TERF1: variants seen among roughly 807,000 people sequenced by gnomAD.
TERF1 encodes the protein telomeric repeat binding factor 1.
A neutral mutation model predicts 55.1 loss-of-function variants in TERF1; 20 were observed. The ratio of observed to expected loss-of-function variants is 0.36; its 90% CI spans 0.26 to 0.53. The LOEUF (loss-of-function observed/expected upper bound fraction) is 0.53, where lower values mean the gene tolerates loss of function less well. Ranked by LOEUF, TERF1 falls within the 20% of genes least tolerant of loss-of-function variation. TERF1 has a pLI of 0.91. For missense variants in TERF1, 439 were observed against 535.7 expected (o/e 0.82, Z 1.78); for synonymous variants, 168 against 181.2 (o/e 0.93, Z 0.59).
chr8:73,025,342 C>T (rs1808934374), intron 5 of TERF1, among the ~76,000 whole-genome samples: 1 of 152,154 alleles, frequency 6.6e-6, no homozygotes, highest in African/African-American at 2.4e-5. Context: ...TAAAATTTTT[C>T]TAGGCCAGGC....
At chr8:73,014,373 A>G (rs1011481644) in intron 2 of TERF1, among the ~76,000 whole-genome samples, 1 of 152,152 alleles carries the variant, frequency 6.6e-6, no homozygotes, top group African/African-American at 2.4e-5. Flanking sequence ...CTCTTGGGGA[A>G]GTGTGTTTCA....
At chr8:73,031,224 A>C (rs927150715) in intron 7 of TERF1, 6 of 152,214 alleles carry the variant, frequency 3.9e-5, no homozygotes, top group African/African-American at 7.2e-5. Flanking sequence ...GCCAATCTCT[A>C]CTTGAGAAGG....
At chr8:73,037,656 T>TA (rs11406458) in intron 8 of TERF1, among the ~76,000 whole-genome samples, 51,974 of 86,804 alleles carry the variant, frequency 0.6, 16,999 homozygotes, top group Middle Eastern at 0.74. Context: ...ATATATTATA[T>TA]GTATAATAAT....
chr8:73,033,742 C>G (rs950933752), intron 8 of TERF1, among the ~76,000 whole-genome samples: 17 of 152,084 alleles, frequency 1.1e-4, no homozygotes, highest in Admixed American at 1.0e-3. Flanking sequence ...TCAGCAAACT[C>G]GAAGACTATA....
In TERF1 at chr8:73,013,984, A is replaced by G. The variant is rs755536594; in HGVS notation, c.409A>G (p.Thr137Ala). Residue 137 changes from threonine to alanine, a missense_variant, in exon 2 of 10, where the codon ACC becomes GCC. Transcript: ENST00000276603. Reference sequence around the variant, plus strand: ...TTTGACAAGAATTGCAGCAGGAAAAACCCTTGGTAAATATGTTTTTTTATT... The same window carrying G: ...TTTGACAAGAATTGCAGCAGGAAAAGCCCTTGGTAAATATGTTTTTTTATT... ...QFLTRIAAGK[T>A]LDAQFENDER... 1 of 1,600,630 alleles carries G rather than the reference A, an allele frequency of 6.2e-7. No homozygotes were observed. Among genetic ancestry groups the G allele is most frequent in the Non-Finnish European group, 8.5e-7 (1 of 1,171,092 alleles).
At chr8:73,037,643 A>T (rs1586062817) in intron 8 of TERF1, among the ~76,000 whole-genome samples, 1 of 82,736 alleles carries the variant, frequency 1.2e-5, no homozygotes, top group Admixed American at 1.9e-4. Context: ...TAACATATAT[A>T]ATATATATTA....
chr8:73,034,314 TAG>T (rs1809419256), intron 8 of TERF1, among the ~76,000 whole-genome samples: 1 of 152,012 alleles, frequency 6.6e-6, no homozygotes, highest in Admixed American at 6.6e-5. Context: ...GTATTTTTAG[TAG>T]AGACGGGGTT....
chr8:73,045,546 T>C (rs1326048534), intron 9 of TERF1, among the ~76,000 whole-genome samples: 2 of 152,228 alleles, frequency 1.3e-5, no homozygotes, highest in Non-Finnish European at 2.9e-5. Context: ...ATACTTCCCC[T>C]ACCATAGGCA....
At chr8:73,042,879 TAAAAGAC>T (rs1345739251) in intron 9 of TERF1, 1 of 152,110 alleles carries the variant, frequency 6.6e-6, no homozygotes, top group Non-Finnish European at 1.5e-5. Flanking sequence ...TTTGAGAAAA[TAAAAGAC>T]AAATGACAAT....
intron 1 of TERF1, chr8:73,009,453 G>T (rs1035456603): frequency 5.6e-6 from 3 of 535,604 alleles, no homozygotes; most frequent in South Asian, 2.4e-5. Flanking sequence ...TTTGATGCAA[G>T]CATTAAATGA....
At chr8:73,036,311 GATGA>G (rs1457665784) in intron 8 of TERF1, among the ~76,000 whole-genome samples, 1 of 152,206 alleles carries the variant, frequency 6.6e-6, no homozygotes, top group East Asian at 1.9e-4. Context: ...TATTTCAGGA[GATGA>G]ATAAGGCTTT....
chr8:73,012,876 A>C, intron 1 of TERF1: 2 of 455,526 alleles, frequency 4.4e-6, no homozygotes, highest in Middle Eastern at 3.3e-4. Context: ...TCATGGGGGC[A>C]GAGACTGGCT....
chr8:73,038,902 TA>T, intron 8 of TERF1: 1 of 535,236 alleles, frequency 1.9e-6, no homozygotes, highest in Non-Finnish European at 2.8e-6. Flanking sequence ...TAAAGACATA[TA>T]AAAGAATCAA....
At chr8:73,039,012 T>G in intron 8 of TERF1, 104 bp from the exon 9 acceptor site, 2 of 892,408 alleles carry the variant, frequency 2.2e-6, no homozygotes, top group Non-Finnish European at 3.3e-6. Context: ...TACTTTTTCT[T>G]AGAATAGCTT....
intron 6 of TERF1, 92 bp from the exon 7 acceptor site, chr8:73,030,244 A>G: frequency 1.3e-6 from 1 of 788,554 alleles, no homozygotes; most frequent in Non-Finnish European, 2.0e-6. Flanking sequence ...ATTTTTTTAT[A>G]AATTGAAATA....
Position 73,038,060 on chromosome 8 carries a change from A to T in TERF1, c.1040-1056A>T, listed in dbSNP as rs568837301. ...AGTAGGTAGGTAGGTAGGTAAGTAG[A>T]TAGGTAGATAGATAGATAAAGCTTC... is the stretch of plus-strand genomic sequence containing the variant. On this transcript the variant is annotated intron_variant, in intron 8 of 9. Transcript: ENST00000276603. 1.5e-4 allele frequency among the ~76,000 whole-genome samples: 22 copies of T among 149,044 alleles called. No individual in the cohort carries two copies. The East Asian group carries it at 4.1e-3, about 28-fold the overall frequency.
chr8:73,009,316 C>G (rs990444165), intron 1 of TERF1, 111 bp downstream of exon 1: 1 of 216,090 alleles, frequency 4.6e-6, no homozygotes. Flanking sequence ...CTGCTGCGGC[C>G]GATTAGCTGG....
intron 8 of TERF1, among the ~76,000 whole-genome samples, chr8:73,034,384 G>T (rs567585776): frequency 6.6e-6 from 1 of 151,638 alleles, no homozygotes; most frequent in Admixed American, 6.6e-5. Flanking sequence ...CGCCCACCTC[G>T]GCCTCCCCAA....
chr8:73,029,144 A>C (rs1809165536), intron 6 of TERF1, among the ~76,000 whole-genome samples: 1 of 152,184 alleles, frequency 6.6e-6, no homozygotes, highest in Non-Finnish European at 1.5e-5. Flanking sequence ...ATAGAATCAG[A>C]AGTGTGATTG....
Sources: allele counts gnomAD v4.1 joint callset (sites outside exome capture counted in the v4.1 genomes callset), GRCh38; gene constraint gnomAD v4.1.1; transcripts MANE v1.5; gene names NCBI Gene and HGNC (gene_info 2026-07-23, HGNC 2026-07-21).